Variants in CORO2A observed in about 807,000 individuals in gnomAD.
CORO2A encodes coronin 2A.
A neutral mutation model predicts 62.4 loss-of-function variants in CORO2A; 47 were observed. That is an observed-to-expected ratio of 0.75 (90% confidence interval 0.60 to 0.96). The LOEUF is 0.96. Among genes scored for constraint, CORO2A ranks in the 40% least tolerant of loss-of-function variants. CORO2A has a pLI of 0.00. For synonymous variants in CORO2A, 273 were observed against 268.9 expected (o/e 1.02, Z -0.15); for missense variants, 610 against 684.1 (o/e 0.89, Z 1.21).
At chr9:98,161,406 T>C (rs1045830584) in intron 1 of CORO2A, among the ~76,000 whole-genome samples, 1 of 151,894 alleles carries the variant, frequency 6.6e-6, no homozygotes, top group South Asian at 2.1e-4. Flanking sequence ...ATACAAAAAT[T>C]AGCCGGGTGT....
intron 1 of CORO2A, among the ~76,000 whole-genome samples, chr9:98,187,458 CAAAAA>C (rs10532253): frequency 7.8e-6 from 1 of 127,478 alleles, no homozygotes; most frequent in Non-Finnish European, 1.7e-5. Context: ...AACTCCATCT[CAAAAA>C]AAAAAAAAAA....
intron 1 of CORO2A, among the ~76,000 whole-genome samples, chr9:98,187,575 C>T (rs547554664): frequency 3.3e-5 from 5 of 152,220 alleles, no homozygotes; most frequent in South Asian, 2.1e-4. Flanking sequence ...TGAGGGCCCA[C>T]TTCCTGGGTC....
chr9:98,142,997 A>G (rs1037212236), intron 2 of CORO2A, among the ~76,000 whole-genome samples: 1 of 152,222 alleles, frequency 6.6e-6, no homozygotes, highest in African/African-American at 2.4e-5. Flanking sequence ...AAAGCCTGTC[A>G]GGGACATTTA....
intron 1 of CORO2A, among the ~76,000 whole-genome samples, chr9:98,183,734 C>A (rs1336158515): frequency 6.6e-6 from 1 of 152,182 alleles, no homozygotes; most frequent in Non-Finnish European, 1.5e-5. Context: ...CTGAGGCGGG[C>A]AGATTACTTG....
intron 2 of CORO2A, among the ~76,000 whole-genome samples, chr9:98,152,639 TAA>T (rs1356865604): frequency 6.6e-6 from 1 of 152,198 alleles, no homozygotes; most frequent in Non-Finnish European, 1.5e-5. Context: ...ATTTAACAAA[TAA>T]GTCAAGTTAA....
rs60302015 is a variant in CORO2A, at chr9:98,131,330, C to CTT, written c.766-273_766-272dup. Among the ~76,000 whole-genome samples the CTT allele has an allele frequency of 9.3e-4, 135 of 145,444 alleles. 1 individual carries two copies. Among genetic ancestry groups the CTT allele is most frequent in the East Asian group, 8.1e-3 (40 of 4,940 alleles). ...TCAGCTTTCTGCCCTTAACAAATCA[C>CTT]TTTTTTTTTTTTTTTGAGACAAGGT... On this transcript the variant is annotated intron_variant, in intron 6 of 11. Coordinates refer to ENST00000375077, the MANE Select transcript of CORO2A (RefSeq NM_052820.4).
At chr9:98,159,937 C>G (rs994283184) in intron 1 of CORO2A, among the ~76,000 whole-genome samples, 48 of 152,174 alleles carry the variant, frequency 3.2e-4, no homozygotes, top group Non-Finnish European at 1.6e-4. Context: ...CCAGCCCACA[C>G]GGCTGACCCA....
intron 1 of CORO2A, among the ~76,000 whole-genome samples, chr9:98,188,956 C>T (rs985897613): frequency 2.0e-5 from 3 of 152,146 alleles, no homozygotes; most frequent in African/African-American, 7.2e-5. Context: ...ATTATTATTA[C>T]TGTTAGTGAT....
Position 98,128,645 on chromosome 9 carries a change from T to A in CORO2A, c.1042A>T (p.Ser348Cys), listed in dbSNP as rs1399486994. 6.2e-7 allele frequency: 1 copy of A among 1,614,118 alleles called. No homozygotes were observed. The change falls in exon 9 of 12, where the codon AGC becomes TGC. Residue 348 changes from serine to cysteine, a missense_variant. Ser to Cys is a moderately radical substitution (Grantham distance 112, BLOSUM62 -1). Coordinates refer to ENST00000375077, the MANE Select transcript of CORO2A (RefSeq NM_052820.4). ...FRFYKLITTKSLIEPISMIVP... is the reference protein window; with the variant it reads ...FRFYKLITTKCLIEPISMIVP... ...ATCATGGAGATGGGCTCGATGAGGC[T>A]TTTGGTTGTGATCAGCTTGTAGAAG...
At chr9:98,167,511 G>T (rs1827978158) in intron 1 of CORO2A, among the ~76,000 whole-genome samples, 1 of 152,134 alleles carries the variant, frequency 6.6e-6, no homozygotes, top group Non-Finnish European at 1.5e-5. Context: ...TTTTTTAAAA[G>T]ATCCGGTTTC....
At chr9:98,185,711 T>C (rs1013099118) in intron 1 of CORO2A, among the ~76,000 whole-genome samples, 2 of 152,222 alleles carry the variant, frequency 1.3e-5, no homozygotes, top group African/African-American at 2.4e-5. Context: ...GAGCACGCCA[T>C]AGACCACGCC....
chr9:98,159,479 A>C (rs972758795), intron 1 of CORO2A, among the ~76,000 whole-genome samples: 5 of 151,724 alleles, frequency 3.3e-5, no homozygotes, highest in Admixed American at 6.6e-5. Flanking sequence ...TAGCTCATCT[A>C]AACGGCACCT....
intron 1 of CORO2A, among the ~76,000 whole-genome samples, chr9:98,189,476 C>T (rs1337342580): frequency 6.6e-6 from 1 of 152,210 alleles, no homozygotes; most frequent in Non-Finnish European, 1.5e-5. Context: ...TGAAACCCCT[C>T]GGTGGGGAGC....
intron 1 of CORO2A, among the ~76,000 whole-genome samples, chr9:98,168,315 G>C (rs569227831): frequency 6.6e-6 from 1 of 152,302 alleles, no homozygotes; most frequent in East Asian, 1.9e-4. Flanking sequence ...CTGCCACTCT[G>C]GGCAAGTTAC....
At chr9:98,181,901 T>C (rs753772913) in intron 1 of CORO2A, among the ~76,000 whole-genome samples, 1 of 152,202 alleles carries the variant, frequency 6.6e-6, no homozygotes, top group Non-Finnish European at 1.5e-5. Context: ...TTCCAAGCTG[T>C]GTGACCTCAG....
chr9:98,170,614 G>A (rs1828020753), intron 1 of CORO2A, among the ~76,000 whole-genome samples: 1 of 152,098 alleles, frequency 6.6e-6, no homozygotes, highest in Admixed American at 6.6e-5. Flanking sequence ...GCTAATTTTT[G>A]TATTTTTAGT....
chr9:98,130,891 C>T (rs757933823), intron 7 of CORO2A, 64 bp downstream of exon 7: 30 of 1,371,252 alleles, frequency 2.2e-5, no homozygotes, highest in South Asian at 5.0e-5. Context: ...CCAATGGCCC[C>T]AGGCTGCTGT....
intron 1 of CORO2A, among the ~76,000 whole-genome samples, chr9:98,176,084 T>C (rs1390293526): frequency 1.3e-5 from 2 of 152,158 alleles, no homozygotes; most frequent in Non-Finnish European, 2.9e-5. Context: ...TCATGGTCCT[T>C]TATTTTTCCT....
chr9:98,181,157 C>T lies in CORO2A; in HGVS notation c.-1+11402G>A, dbSNP rs1003737378. 7.3e-5 allele frequency among the ~76,000 whole-genome samples: 11 copies of T among 151,350 alleles called. No individual in the cohort carries two copies. In the Middle Eastern group the frequency reaches 0.01, roughly 140 times the overall value. ...AGGCCCCAGTGGGGTGAAGGCTGCT[C>T]CCATGTTGCTTGTGTCCCCCAGCGC... On this transcript the variant is annotated intron_variant, in intron 1 of 11. Transcript: ENST00000375077.
Sources: gnomAD v4.1 joint callset for allele counts (sites outside exome capture counted in the v4.1 genomes callset) on GRCh38, gnomAD v4.1.1 for gene constraint, MANE v1.5 for transcripts, NCBI Gene and HGNC (gene_info 2026-07-23, HGNC 2026-07-21) for gene names.